Variants in MAN1A2 observed in about 807,000 individuals in gnomAD.
MAN1A2 encodes mannosyl-oligosaccharide 1,2-alpha-mannosidase IB.
In MAN1A2, 26 loss-of-function variants were observed where a neutral mutation model predicts 75.7. That is an observed-to-expected ratio of 0.34 (90% CI 0.25 to 0.48). The LOEUF (loss-of-function observed/expected upper bound fraction) is 0.48. MAN1A2 is among the 20% of genes least tolerant of loss of function. The pLI is 0.99. For missense variants in MAN1A2, 562 were observed against 775.5 expected, an observed-to-expected ratio of 0.72 and a Z score of 3.27; for synonymous variants, 247 against 264.6, an observed-to-expected ratio of 0.93 and a Z score of 0.65.
At chr1:117,407,169 T>G (rs1483157763) in intron 3 of MAN1A2, among the ~76,000 whole-genome samples, 3 of 152,164 alleles carry the variant, frequency 2.0e-5, no homozygotes, top group African/African-American at 7.2e-5. Flanking sequence ...TATTTTTTAT[T>G]GAATTTTTGA....
At chr1:117,426,446 TTATGA>T (rs1031044908) in intron 5 of MAN1A2, among the ~76,000 whole-genome samples, 10 of 152,176 alleles carry the variant, frequency 6.6e-5, no homozygotes, top group East Asian at 3.8e-4. Flanking sequence ...ATCCATCGAC[TTATGA>T]TAGGATTATG....
intron 6 of MAN1A2, among the ~76,000 whole-genome samples, chr1:117,456,571 A>ATT (rs1001543256): frequency 6.6e-6 from 1 of 152,024 alleles, no homozygotes; most frequent in Non-Finnish European, 1.5e-5. Flanking sequence ...GGCACTTTCA[A>ATT]TTGACTCTTG....
intron 4 of MAN1A2, among the ~76,000 whole-genome samples, chr1:117,419,992 T>C (rs1003253690): frequency 6.6e-6 from 1 of 152,080 alleles, no homozygotes; most frequent in Non-Finnish European, 1.5e-5. Flanking sequence ...TTCCAAATAA[T>C]TTAGATTTCA....
chr1:117,522,603 C>T (rs941041796), intron 12 of MAN1A2, among the ~76,000 whole-genome samples: 2 of 151,756 alleles, frequency 1.3e-5, no homozygotes, highest in African/African-American at 2.4e-5. Flanking sequence ...TGTTTTATTT[C>T]AGTAGGTCTA....
chr1:117,430,046 T>C (rs1570737505), intron 5 of MAN1A2, among the ~76,000 whole-genome samples: 1 of 31,466 alleles, frequency 3.2e-5, no homozygotes, highest in Admixed American at 2.3e-4. Flanking sequence ...CCCCCCCACC[T>C]CCCTCCCGGA....
rs779450685 is a variant in MAN1A2, at chr1:117,496,776, A to G, written c.1298A>G (p.His433Arg). The change falls in exon 10 of 13, where the codon CAT (histidine) becomes CGT (arginine). Residue 433 changes from histidine to arginine, a missense_variant. Coordinates refer to ENST00000356554, the MANE Select transcript of MAN1A2 (RefSeq NM_006699.5). ...YDDAIEAIEK[H>R]LIKKSRGGLT... is the part of the protein sequence containing the mutation. ...TCTTTCCTGTAGGCTATAGAAAAAC[A>G]TCTTATTAAGAAGTCTCGTGGAGGT... 5 of 1,610,850 alleles carry G rather than the reference A, an allele frequency of 3.1e-6. No homozygotes were observed. The South Asian group carries it at 5.5e-5, about 18-fold the overall frequency.
intron 8 of MAN1A2, among the ~76,000 whole-genome samples, chr1:117,471,258 A>G (rs1241979964): frequency 1.3e-5 from 2 of 151,876 alleles, no homozygotes; most frequent in Non-Finnish European, 2.9e-5. Context: ...TAACTTCTCT[A>G]TGCATCTTTA....
intron 12 of MAN1A2, among the ~76,000 whole-genome samples, chr1:117,509,241 G>A (rs941346358): frequency 1.0e-3 from 152 of 151,888 alleles, no homozygotes; most frequent in Non-Finnish European, 5.0e-4. Context: ...AAAGGTAGTA[G>A]CAGTTCTTAG....
intron 1 of MAN1A2, among the ~76,000 whole-genome samples, chr1:117,398,137 T>C (rs1377402665): frequency 6.6e-6 from 1 of 152,152 alleles, no homozygotes; most frequent in Non-Finnish European, 1.5e-5. Context: ...GTCTCTGAAC[T>C]TAATGGAGTT....
At chr1:117,504,799 T>TG (rs1411202403) in intron 12 of MAN1A2, among the ~76,000 whole-genome samples, 2 of 151,400 alleles carry the variant, frequency 1.3e-5, no homozygotes, top group Admixed American at 1.3e-4. Flanking sequence ...TCAGGCTAGT[T>TG]GCTTTGAGGA....
At position 117,526,876 on chromosome 1, in the gene MAN1A2, C is replaced by CTATA. The variant is rs1368326358; in HGVS notation, c.*3920_*3921insATAT. 52 of 68,006 alleles carry CTATA rather than the reference C, an allele frequency of 7.6e-4. No homozygotes were observed. Among genetic ancestry groups the CTATA allele is most frequent in the South Asian group, 3.4e-3 (8 of 2,388 alleles). 4.2% of individuals were successfully genotyped at this position (68,006 alleles called of 1,614,324 possible). Reference sequence around the variant, plus strand: ...TCTCTCTCTCTCTCTCTCTCTCTCTCTCTCTATATATATATATATATATAT... The same window carrying CTATA: ...TCTCTCTCTCTCTCTCTCTCTCTCTCTATATCTCTATATATATATATATATATAT... On this transcript the variant is annotated 3_prime_UTR_variant, in exon 13 of 13. Transcript: ENST00000356554.
chr1:117,481,828 A>G (rs1227661637), intron 8 of MAN1A2, among the ~76,000 whole-genome samples: 3 of 152,036 alleles, frequency 2.0e-5, no homozygotes, highest in Non-Finnish European at 4.4e-5. Context: ...TAAACAAAGC[A>G]AAATGCAAGG....
chr1:117,517,050 A>G (rs925487702), intron 12 of MAN1A2, among the ~76,000 whole-genome samples: 1 of 152,104 alleles, frequency 6.6e-6, no homozygotes, highest in African/African-American at 2.4e-5. Flanking sequence ...AAAAATTCAT[A>G]TTCAAGTGGC....
At chr1:117,482,561 A>G (rs1005504490) in intron 8 of MAN1A2, among the ~76,000 whole-genome samples, 14 of 152,076 alleles carry the variant, frequency 9.2e-5, no homozygotes, top group Non-Finnish European at 2.9e-5. Context: ...GTGTCTGTTC[A>G]TATCCTTTGC....
rs534292107 is a variant in MAN1A2 at position 117,488,658 on chromosome 1, T to G, written c.1169-4489T>G. ...ACTATAGTTTTATCTTGGTTGTGGCTTTGTTGGTATATACATGTGTAAACA... is the reference window on the plus strand; with the variant it reads ...ACTATAGTTTTATCTTGGTTGTGGCGTTGTTGGTATATACATGTGTAAACA... On this transcript the variant is annotated intron_variant, in intron 8 of 12. Coordinates refer to ENST00000356554, the MANE Select transcript of MAN1A2 (RefSeq NM_006699.5). 3.9e-4 allele frequency among the ~76,000 whole-genome samples: 60 copies of G among 152,198 alleles called. 1 individual carries two copies. In the South Asian group the frequency reaches 0.012, roughly 30 times the overall value.
chr1:117,443,401 A>G (rs968343000), intron 6 of MAN1A2, among the ~76,000 whole-genome samples: 2 of 152,158 alleles, frequency 1.3e-5, no homozygotes, highest in African/African-American at 4.8e-5. Context: ...ATGGAAGGAT[A>G]TGGCCAAGTG....
intron 1 of MAN1A2, among the ~76,000 whole-genome samples, chr1:117,386,034 T>C (rs934541227): frequency 2.0e-5 from 3 of 152,212 alleles, no homozygotes; most frequent in Non-Finnish European, 2.9e-5. Context: ...ACATAGGTGA[T>C]AGGCAATACC....
At chr1:117,449,147 C>G (rs1181330909) in intron 6 of MAN1A2, among the ~76,000 whole-genome samples, 2 of 152,148 alleles carry the variant, frequency 1.3e-5, no homozygotes, top group African/African-American at 2.4e-5. Context: ...TCCCTTCTCT[C>G]TCCTTCTCCT....
intron 12 of MAN1A2, among the ~76,000 whole-genome samples, chr1:117,513,825 C>T (rs1048195172): frequency 1.3e-5 from 2 of 152,014 alleles, no homozygotes; most frequent in Admixed American, 1.3e-4. Flanking sequence ...ATTTCATTGT[C>T]TTCTAGTTCT....
Sources: allele counts gnomAD v4.1 joint callset (sites outside exome capture counted in the v4.1 genomes callset), GRCh38; gene constraint gnomAD v4.1.1; transcripts MANE v1.5; gene names NCBI Gene and HGNC (gene_info 2026-07-23, HGNC 2026-07-21).